WIPF1: variants seen among roughly 807,000 people sequenced by gnomAD.
The protein encoded by WIPF1 is WAS/WASL interacting protein family member 1.
A neutral mutation model predicts 35.4 loss-of-function variants in WIPF1; 13 were observed. The ratio of observed to expected loss-of-function variants is 0.37; its 90% confidence interval spans 0.24 to 0.58. WIPF1 has a LOEUF of 0.58. Among genes scored for constraint, WIPF1 ranks in the 20% least tolerant of loss-of-function variants. WIPF1 has a pLI of 0.74. For missense variants in WIPF1, 591 were observed against 667.0 expected (o/e 0.89, Z 1.25); for synonymous variants, 267 against 266.3 (o/e 1.00, Z -0.02).
At chr2:174,605,172 C>T (rs1686120550) in intron 1 of WIPF1, among the ~76,000 whole-genome samples, 1 of 152,154 alleles carries the variant, frequency 6.6e-6, no homozygotes, top group Non-Finnish European at 1.5e-5. Context: ...CAGGGGCTCG[C>T]GCCTGTAATC....
At chr2:174,630,593 T>G (rs895477416) in intron 1 of WIPF1, 1 of 152,184 alleles carries the variant, frequency 6.6e-6, no homozygotes, top group Admixed American at 6.5e-5. Flanking sequence ...CTTAGAGCTT[T>G]TTTTTCCCCT....
intron 1 of WIPF1, chr2:174,673,506 T>C (rs1450683349): frequency 1.3e-5 from 2 of 152,288 alleles, no homozygotes; most frequent in Non-Finnish European, 2.9e-5. Flanking sequence ...AGGAACTCCT[T>C]TGACCATGCT....
intron 3 of WIPF1, among the ~76,000 whole-genome samples, chr2:174,579,377 C>T (rs1357180814): frequency 6.6e-6 from 1 of 152,202 alleles, no homozygotes; most frequent in Admixed American, 6.5e-5. Context: ...ATTAAGCTTT[C>T]AGATTATTTT....
chr2:174,567,416 C>T (rs1684696566), intron 6 of WIPF1, among the ~76,000 whole-genome samples: 1 of 152,248 alleles, frequency 6.6e-6, no homozygotes, highest in Admixed American at 6.5e-5. Flanking sequence ...GATTAGGATC[C>T]AGCCAGTCCC....
chr2:174,676,023 T>C (rs1688122456), intron 1 of WIPF1, among the ~76,000 whole-genome samples: 1 of 149,942 alleles, frequency 6.7e-6, no homozygotes, highest in Non-Finnish European at 1.5e-5. Context: ...CATGGCTCAC[T>C]TGCAGCCTCC....
chr2:174,583,183 C>G (rs1428150303), intron 2 of WIPF1, among the ~76,000 whole-genome samples: 1 of 152,248 alleles, frequency 6.6e-6, no homozygotes, highest in Non-Finnish European at 1.5e-5. Flanking sequence ...CAGAAATGCT[C>G]TCTGCATACA....
chr2:174,642,674 G>A (rs1341554895), intron 1 of WIPF1, among the ~76,000 whole-genome samples: 1 of 148,614 alleles, frequency 6.7e-6, no homozygotes. Flanking sequence ...TGTTGAGACT[G>A]GGTCTCCCTC....
chr2:174,567,785 A>C, intron 6 of WIPF1, 76 bp downstream of exon 6: 1 of 1,464,734 alleles, frequency 6.8e-7, no homozygotes, highest in South Asian at 1.4e-5. Flanking sequence ...AAACGCAAAC[A>C]AGCAAACCAC....
intron 1 of WIPF1, among the ~76,000 whole-genome samples, chr2:174,618,951 C>T (rs1173929353): frequency 6.6e-6 from 1 of 151,470 alleles, no homozygotes; most frequent in Non-Finnish European, 1.5e-5. Context: ...CTGACACATA[C>T]ACACACACAC....
chr2:174,566,658 T>C (rs1348572531), intron 7 of WIPF1: 1 of 159,060 alleles, frequency 6.3e-6, no homozygotes, highest in Admixed American at 6.3e-5. Flanking sequence ...TGTAAAGCTA[T>C]GATTACAATA....
intron 1 of WIPF1, among the ~76,000 whole-genome samples, chr2:174,673,975 C>T (rs1017694566): frequency 3.3e-5 from 5 of 152,200 alleles, no homozygotes; most frequent in Admixed American, 3.3e-4. Context: ...TTCTGGGCTG[C>T]ACAATGTTGG....
rs1684473903 is a variant in WIPF1, at chr2:174,561,138, G to A, written c.*1409C>T. 6.6e-6 allele frequency: 1 copy of A among 152,578 alleles called. No homozygotes were observed. Among genetic ancestry groups the A allele is most frequent in the South Asian group, 2.1e-4 (1 of 4,826 alleles). The allele number at this position is 152,578 out of a possible 1,614,324, so 9.5% of individuals were successfully genotyped here. On this transcript the variant is annotated 3_prime_UTR_variant, in exon 8 of 8. Coordinates refer to ENST00000679041, the MANE Select transcript of WIPF1 (RefSeq NM_001375834.1). Reference sequence around the variant, plus strand: ...AAAGGCAAGGCTGGCTCTTCCCTATGGTCCTTTAGTGGAGCTATATTTGCA... The same window carrying A: ...AAAGGCAAGGCTGGCTCTTCCCTATAGTCCTTTAGTGGAGCTATATTTGCA...
chr2:174,623,932 G>A (rs1686749605), intron 1 of WIPF1, among the ~76,000 whole-genome samples: 3 of 152,074 alleles, frequency 2.0e-5, no homozygotes, highest in African/African-American at 4.8e-5. Flanking sequence ...TGAAAAATCA[G>A]TCTGGTGCTT....
At chr2:174,644,924 G>A (rs765442312) in intron 1 of WIPF1, among the ~76,000 whole-genome samples, 12 of 152,186 alleles carry the variant, frequency 7.9e-5, no homozygotes, top group East Asian at 7.7e-4. Flanking sequence ...GGGATATGGC[G>A]GAAATTCTGG....
At chr2:174,631,675 C>G (rs946224227) in intron 1 of WIPF1, among the ~76,000 whole-genome samples, 3 of 152,142 alleles carry the variant, frequency 2.0e-5, no homozygotes, top group Non-Finnish European at 4.4e-5. Context: ...ATGGTGATAA[C>G]AATAATACCT....
chr2:174,568,089 A>G lies in WIPF1; in HGVS notation c.1130-16T>C. 1 of 1,606,414 alleles carries G rather than the reference A, an allele frequency of 6.2e-7. No individual in the cohort carries two copies. ...GGGAGGGGGCCTGGAGCAAAAAAAG[A>G]CACTTAGTGCAGAACCTTACATCCA... is the stretch of plus-strand genomic sequence containing the variant. On this transcript the variant is annotated splice_polypyrimidine_tract_variant and intron_variant, in intron 5 of 7. Transcript: ENST00000679041.
At position 174,571,881 on chromosome 2, in the gene WIPF1, A is replaced by C. The variant is rs1197597426; in HGVS notation, c.924T>G (p.Pro308=). 4 of 1,612,316 alleles carry C rather than the reference A, an allele frequency of 2.5e-6. No homozygotes were observed. The South Asian group carries it at 4.4e-5, about 18-fold the overall frequency. The change falls in exon 5 of 8, where the codon CCT becomes CCG. Residue 308 remains proline (P), a synonymous_variant. Transcript: ENST00000679041. This position sits in a 1 kb window ranked among gnomAD's most constrained non-coding sequence, Gnocchi z 4.6. ...PRPSASSQAP[P]PPPPPSRPGP... ...CGGGCCTGCTGGGAGGTGGCGGCGG[A>C]GGTGGGGCCTGTGAGGAGGCCGAAG...
intron 1 of WIPF1, among the ~76,000 whole-genome samples, chr2:174,638,699 T>C (rs1215902340): frequency 3.3e-5 from 5 of 152,238 alleles, no homozygotes; most frequent in Non-Finnish European, 7.3e-5. Flanking sequence ...GTCCTCCAGG[T>C]TCATCCATGT....
chr2:174,578,508 G>T (rs1685136294), intron 3 of WIPF1, among the ~76,000 whole-genome samples: 1 of 152,172 alleles, frequency 6.6e-6, no homozygotes, highest in African/African-American at 2.4e-5. Context: ...GAGGTTTCCT[G>T]AATAAATATA....
Sources: gnomAD v4.1 joint callset for allele counts (sites outside exome capture counted in the v4.1 genomes callset) on GRCh38, gnomAD v4.1.1 for gene constraint, Gnocchi (gnomAD v3.1) non-coding constraint, MANE v1.5 for transcripts, NCBI Gene and HGNC (gene_info 2026-07-23, HGNC 2026-07-21) for gene names.